The following BCAR3 variants were observed in gnomAD, a reference collection of about 807,000 sequenced individuals.
BCAR3 encodes the protein breast cancer anti-estrogen resistance protein 3.
BCAR3 carries 37 observed loss-of-function variants against 80.1 expected under a neutral mutation model. The ratio of observed to expected loss-of-function variants is 0.46; its 90% CI spans 0.36 to 0.61. The LOEUF (loss-of-function observed/expected upper bound fraction) is 0.61, where lower values mean the gene tolerates loss of function less well. Ranked by LOEUF, BCAR3 falls within the 20% of genes least tolerant of loss-of-function variation. The pLI is 0.00. For missense variants in BCAR3, 978 were observed against 1,068.2 expected, an observed-to-expected ratio of 0.92 and a Z score of 1.18; for synonymous variants, 389 against 418.9, an observed-to-expected ratio of 0.93 and a Z score of 0.87.
intron 2 of BCAR3, among the ~76,000 whole-genome samples, chr1:93,723,027 C>T (rs1650460688): frequency 6.6e-6 from 1 of 152,136 alleles, no homozygotes; most frequent in Non-Finnish European, 1.5e-5. Context: ...GACCTCTAAG[C>T]TCTCAGGCAA....
At chr1:93,764,318 A>G (rs1652063762) in intron 2 of BCAR3, among the ~76,000 whole-genome samples, 2 of 151,656 alleles carry the variant, frequency 1.3e-5, no homozygotes, top group African/African-American at 4.9e-5. Context: ...GGCCCCTCCC[A>G]TTCAGCCATT....
intron 2 of BCAR3, among the ~76,000 whole-genome samples, chr1:93,756,237 G>A (rs1651744787): frequency 6.6e-6 from 1 of 152,180 alleles, no homozygotes; most frequent in Non-Finnish European, 1.5e-5. Flanking sequence ...AGTGCCCTTG[G>A]TGGCTTGGGT....
At chr1:93,624,365 C>G (rs1675397851) in intron 3 of BCAR3, among the ~76,000 whole-genome samples, 1 of 152,188 alleles carries the variant, frequency 6.6e-6, no homozygotes, top group Non-Finnish European at 1.5e-5. Flanking sequence ...AAGGACAGGA[C>G]GTTTACATCA....
intron 2 of BCAR3, among the ~76,000 whole-genome samples, chr1:93,815,070 GC>G (rs1425106594): frequency 1.3e-5 from 2 of 152,142 alleles, no homozygotes; most frequent in Admixed American, 6.5e-5. Flanking sequence ...TATACAACTT[GC>G]CCCCACAGAG....
At chr1:93,665,867 C>T (rs770047382) in intron 2 of BCAR3, among the ~76,000 whole-genome samples, 4 of 152,148 alleles carry the variant, frequency 2.6e-5, no homozygotes, top group Admixed American at 2.6e-4. Context: ...TCAGCAAATG[C>T]CCTATCCCAT....
chr1:93,569,479 A>G lies in BCAR3; in HGVS notation c.1975-1628T>C, dbSNP rs180849942. ...CTGTAGACCCCTGCTCCCTACACCC[A>G]CTCCCTGAGGCATTGCCTTTCTGAA... On this transcript the variant is annotated intron_variant, in intron 9 of 11. Transcript: ENST00000260502. Among the ~76,000 whole-genome samples, 6 of 151,848 alleles carry G rather than the reference A, an allele frequency of 4.0e-5. No individual in the cohort carries two copies. The East Asian group carries it at 1.2e-3, about 29-fold the overall frequency.
At chr1:93,601,003 G>A (rs1674604107) in intron 3 of BCAR3, among the ~76,000 whole-genome samples, 1 of 152,180 alleles carries the variant, frequency 6.6e-6, no homozygotes, top group Non-Finnish European at 1.5e-5. Context: ...TGGAGGAGAG[G>A]AGAGAGCTTG....
intron 3 of BCAR3, among the ~76,000 whole-genome samples, chr1:93,701,774 G>A (rs929549366): frequency 6.6e-6 from 1 of 152,194 alleles, no homozygotes; most frequent in African/African-American, 2.4e-5. Flanking sequence ...TGGGAGGACT[G>A]AACTGGGCCC....
In BCAR3 at chr1:93,785,965, G is replaced by A. The variant is rs867038775; in HGVS notation, c.-63+59602C>T. On this transcript the variant is annotated intron_variant, in intron 2 of 13. Transcript: ENST00000370244. Reference sequence around the variant, plus strand: ...TCCCAGCACTTTGGGAGGCCGAGGCGGGCGGATCATGAGGTCAGGAGATCA... The same window carrying A: ...TCCCAGCACTTTGGGAGGCCGAGGCAGGCGGATCATGAGGTCAGGAGATCA... Among the ~76,000 whole-genome samples the A allele has an allele frequency of 6.1e-5, 7 of 115,342 alleles. 2 individuals are homozygous for A. The highest frequency in any genetic ancestry group is 6.0e-4 in the East Asian group (2 of 3,322). The allele number at this position is 115,342 out of a possible 152,430, so 75.7% of individuals were successfully genotyped here. A position where few individuals can be genotyped will look rare whatever the true frequency, so the allele number is the denominator to read the frequency against.
At chr1:93,563,800 C>T (rs1672804033) in intron 11 of BCAR3, among the ~76,000 whole-genome samples, 1 of 152,196 alleles carries the variant, frequency 6.6e-6, no homozygotes, top group Admixed American at 6.5e-5. Context: ...TCAAGCAATT[C>T]TCCTGCCTCA....
chr1:93,719,486 G>A (rs537702921), intron 2 of BCAR3, among the ~76,000 whole-genome samples: 35 of 151,676 alleles, frequency 2.3e-4, no homozygotes, highest in East Asian at 9.7e-4. Flanking sequence ...GACTACAGGC[G>A]CCCACCACCA....
chr1:93,686,034 A>G (rs1648962542), upstream of BCAR3, among the ~76,000 whole-genome samples: 1 of 152,038 alleles, frequency 6.6e-6, no homozygotes, highest in African/African-American at 2.4e-5. Context: ...TGAGCTTCAC[A>G]TATTTTTCAA....
At position 93,824,646 on chromosome 1, in the gene BCAR3, C is replaced by T. The variant is rs1318810509; in HGVS notation, c.-63+20921G>A. On this transcript the variant is annotated intron_variant, in intron 2 of 13. Coordinates refer to the BCAR3 transcript ENST00000370244. ...GCCTCCTCTTGGCAAAGACCCTCCT[C>T]CTTTCTTAGTGGCCCTCTCTTCCTC... is the stretch of plus-strand genomic sequence containing the variant. 1.6e-5 allele frequency among the ~76,000 whole-genome samples: 2 copies of T among 126,682 alleles called. 1 individual carries two copies. Among genetic ancestry groups the T allele is most frequent in the East Asian group, 7.0e-4 (2 of 2,838 alleles). The allele number at this position is 126,682 out of a possible 152,430, so 83.1% of individuals were successfully genotyped here.
intron 7 of BCAR3, among the ~76,000 whole-genome samples, chr1:93,580,328 G>A (rs953532674): frequency 2.0e-5 from 3 of 152,094 alleles, no homozygotes; most frequent in Non-Finnish European, 4.4e-5. Flanking sequence ...GAAGCTAATT[G>A]ACTTCACTGA....
intron 1 of BCAR3, 66 bp downstream of exon 1, chr1:93,681,532 G>A (rs1648762422): frequency 6.6e-6 from 1 of 152,122 alleles, no homozygotes; most frequent in Non-Finnish European, 1.5e-5. Flanking sequence ...CACCGGGGTG[G>A]GGGAGGCCCA....
intron 2 of BCAR3, among the ~76,000 whole-genome samples, chr1:93,732,457 A>G (rs1391077626): frequency 6.6e-6 from 1 of 152,154 alleles, no homozygotes. Flanking sequence ...TCTACAAAAA[A>G]TACAAAAATT....
At chr1:93,622,519 G>A (rs6679609) in intron 3 of BCAR3, among the ~76,000 whole-genome samples, 20,854 of 152,180 alleles carry the variant, frequency 0.14, 1,532 homozygotes, top group African/African-American at 0.18. Context: ...TCCGCTCACA[G>A]CTGAAAGGAA....
chr1:93,781,016 G>A (rs985784441), intron 2 of BCAR3, among the ~76,000 whole-genome samples: 4 of 152,232 alleles, frequency 2.6e-5, no homozygotes, highest in Admixed American at 2.6e-4. Context: ...CCCCAGGGGA[G>A]GGCCAGTAGG....
intron 6 of BCAR3, among the ~76,000 whole-genome samples, chr1:93,583,431 C>T (rs1478545729): frequency 5.3e-5 from 8 of 152,044 alleles, no homozygotes; most frequent in South Asian, 4.2e-4. Context: ...AGGTAGTTTA[C>T]GCAGGGGCAT....
Sources: allele counts gnomAD v4.1 joint callset (sites outside exome capture counted in the v4.1 genomes callset), GRCh38; gene constraint gnomAD v4.1.1; transcripts MANE v1.5; gene names NCBI Gene and HGNC (gene_info 2026-07-23, HGNC 2026-07-21).